CYP7B1: variants seen among roughly 807,000 people sequenced by gnomAD.
CYP7B1 encodes cytochrome P450 7B1.
Under a neutral mutation model 42.7 loss-of-function variants are expected in CYP7B1, and 29 were observed. That is an observed-to-expected ratio of 0.68 (90% CI 0.51 to 0.93). The LOEUF (loss-of-function observed/expected upper bound fraction) is 0.93. CYP7B1 is among the 40% of genes least tolerant of loss of function. The pLI is 0.00. For missense variants in CYP7B1, 655 were observed against 600.5 expected (o/e 1.09, Z -0.95); for synonymous variants, 235 against 218.2 (o/e 1.08, Z -0.68).
intron 1 of CYP7B1, among the ~76,000 whole-genome samples, chr8:64,762,752 T>A (rs1807908255): frequency 6.6e-6 from 1 of 152,230 alleles, no homozygotes; most frequent in African/African-American, 2.4e-5. Context: ...GTTTTATGGA[T>A]TTATCTTAGG....
chr8:64,791,891 G>A (rs146271223), intron 1 of CYP7B1, among the ~76,000 whole-genome samples: 2,905 of 152,290 alleles, frequency 0.019, 44 homozygotes, highest in Admixed American at 0.03. Flanking sequence ...TGGAACAAAT[G>A]GTTAGTAGAA....
chr8:64,791,315 G>A (rs1208589607), intron 1 of CYP7B1, among the ~76,000 whole-genome samples: 5 of 152,158 alleles, frequency 3.3e-5, no homozygotes, highest in Admixed American at 2.6e-4. Context: ...GCCCTCAAAT[G>A]TCCATGTCCT....
At position 64,615,906 on chromosome 8, in the gene CYP7B1, A is replaced by G. The variant is rs774724113; in HGVS notation, c.635T>C (p.Leu212Pro). The G allele has an allele frequency of 1.2e-6, 2 of 1,613,566 alleles. No homozygotes were observed. The highest frequency in any genetic ancestry group is 3.3e-5 in the Admixed American group (2 of 59,902). Residue 212 changes from leucine to proline, a missense_variant, in exon 3 of 6, where the codon CTA (leucine) becomes CCA (proline). By Grantham distance (98) the Leu-to-Pro change is moderately conservative. Transcript: ENST00000310193. ...VCDNNKFISE[L>P]RDDFLKFDDK... ...ATCAAATTTTAAAAAATCATCTCTT[A>G]GCTCACTAATAAATTTGTTGTTGTC... is the stretch of plus-strand genomic sequence containing the variant.
At chr8:64,624,029 AC>A (rs1375558387) in intron 2 of CYP7B1, among the ~76,000 whole-genome samples, 1 of 152,178 alleles carries the variant, frequency 6.6e-6, no homozygotes, top group African/African-American at 2.4e-5. Flanking sequence ...TCTCTGAACT[AC>A]TAAATTTTCT....
chr8:64,689,016 A>G (rs1806698716), intron 1 of CYP7B1, among the ~76,000 whole-genome samples: 1 of 152,172 alleles, frequency 6.6e-6, no homozygotes, highest in African/African-American at 2.4e-5. Context: ...ATATCCTTCC[A>G]TTTCTTTCCT....
At chr8:64,761,041 A>G (rs1807882069) in intron 1 of CYP7B1, among the ~76,000 whole-genome samples, 1 of 152,192 alleles carries the variant, frequency 6.6e-6, no homozygotes, top group African/African-American at 2.4e-5. Flanking sequence ...TTACAAGAAC[A>G]TGAATGAACT....
chr8:64,727,321 T>C (rs963067822), intron 1 of CYP7B1, among the ~76,000 whole-genome samples: 4 of 152,214 alleles, frequency 2.6e-5, no homozygotes, highest in Admixed American at 6.5e-5. Context: ...CTTTGCTGAC[T>C]AGGTTTCCAA....
intron 1 of CYP7B1, among the ~76,000 whole-genome samples, chr8:64,702,981 C>T (rs181672836): frequency 6.6e-6 from 1 of 151,522 alleles, no homozygotes; most frequent in Non-Finnish European, 1.5e-5. Context: ...TAGAACACAA[C>T]CTATAACTGG....
chr8:64,767,982 C>T (rs552961478), intron 1 of CYP7B1, among the ~76,000 whole-genome samples: 16 of 152,270 alleles, frequency 1.1e-4, no homozygotes, highest in African/African-American at 3.9e-4. Context: ...TAAGAGCAGT[C>T]GTTGGCCAAC....
At chr8:64,623,700 G>A (rs76913636) in intron 2 of CYP7B1, among the ~76,000 whole-genome samples, 4,426 of 152,190 alleles carry the variant, frequency 0.029, 198 homozygotes, top group African/African-American at 0.1. Flanking sequence ...AAAGTCTGAA[G>A]TGCAATGAAA....
Position 64,737,024 on chromosome 8 carries a change from A to G in CYP7B1, c.122+61442T>C, listed in dbSNP as rs907568258. Among the ~76,000 whole-genome samples, 13 of 152,362 alleles carry G rather than the reference A, an allele frequency of 8.5e-5. No individual in the cohort carries two copies. In the East Asian group the frequency reaches 9.6e-4, roughly 11 times the overall value. On this transcript the variant is annotated intron_variant, in intron 1 of 5. Transcript: ENST00000310193. ...TTTAACAAATAAATTAATGAGACAG[A>G]AAACATTTTCTAGAGCTCTCTGTGT...
At chr8:64,763,485 T>A (rs1465504955) in intron 1 of CYP7B1, among the ~76,000 whole-genome samples, 7 of 152,248 alleles carry the variant, frequency 4.6e-5, no homozygotes, top group Non-Finnish European at 5.9e-5. Flanking sequence ...ACAGGGATTC[T>A]CTAAAGCAGT....
At chr8:64,745,739 T>C (rs971875683) in intron 1 of CYP7B1, among the ~76,000 whole-genome samples, 14 of 152,282 alleles carry the variant, frequency 9.2e-5, no homozygotes, top group African/African-American at 3.1e-4. Flanking sequence ...ACTATTTGCA[T>C]CTACAATGGG....
At chr8:64,603,928 A>T (rs1229755080) in intron 5 of CYP7B1, among the ~76,000 whole-genome samples, 1 of 152,216 alleles carries the variant, frequency 6.6e-6, no homozygotes, top group Non-Finnish European at 1.5e-5. Flanking sequence ...CTTTGAAAAA[A>T]GGCATTTTAC....
chr8:64,620,193 A>G (rs1215062774), intron 2 of CYP7B1, among the ~76,000 whole-genome samples: 1 of 152,194 alleles, frequency 6.6e-6, no homozygotes, highest in East Asian at 1.9e-4. Flanking sequence ...CTCTAAAAAA[A>G]GAAGAGACAA....
At position 64,596,813 on chromosome 8, in the gene CYP7B1, T is replaced by A; in HGVS notation, c.1350A>T (p.Pro450=). 6.2e-7 allele frequency: 1 copy of A among 1,614,146 alleles called. No homozygotes were observed. Among genetic ancestry groups the A allele is most frequent in the Non-Finnish European group, 8.5e-7 (1 of 1,179,994 alleles). The change falls in exon 6 of 6, where the codon CCA becomes CCT. Residue 450 remains proline (P), a synonymous_variant. Coordinates refer to ENST00000310193, the MANE Select transcript of CYP7B1 (RefSeq NM_004820.5). ...MPFGTGTSKC[P]GRFFALMEIK... is the part of the protein sequence containing the mutation. The stretch of plus-strand genomic sequence containing the variant: ...TTTCCATAAGTGCAAAAAATCGGCC[T>A]GGACATTTGCTGGTTCCAGTTCCAA...
At position 64,655,003 on chromosome 8, in the gene CYP7B1, C is replaced by T. The variant is rs1189206441; in HGVS notation, c.123-30464G>A. 3.9e-5 allele frequency among the ~76,000 whole-genome samples: 6 copies of T among 152,082 alleles called. No individual in the cohort carries two copies. In the South Asian group the frequency reaches 8.3e-4, roughly 21 times the overall value. ...ATTGAAGCTGGACCCCTTTTTTACA[C>T]CATATATAAAATCAACTCCAGACGG... is the stretch of plus-strand genomic sequence containing the variant. On this transcript the variant is annotated intron_variant, in intron 1 of 5. Coordinates refer to ENST00000310193, the MANE Select transcript of CYP7B1 (RefSeq NM_004820.5).
intron 2 of CYP7B1, among the ~76,000 whole-genome samples, chr8:64,618,457 A>G (rs1805479292): frequency 1.3e-5 from 2 of 152,206 alleles, no homozygotes; most frequent in South Asian, 4.1e-4. Context: ...AACAGAAAAT[A>G]TATTCAGACA....
At position 64,685,891 on chromosome 8, in the gene CYP7B1, C is replaced by A. The variant is rs1412989292; in HGVS notation, c.123-61352G>T. Among the ~76,000 whole-genome samples the A allele has an allele frequency of 4.8e-5, 2 of 41,776 alleles. 1 individual carries two copies. Among genetic ancestry groups the A allele is most frequent in the Non-Finnish European group, 1.0e-4 (2 of 19,910 alleles). 27.4% of individuals were successfully genotyped at this position (41,776 alleles called of 152,430 possible). On this transcript the variant is annotated intron_variant, in intron 1 of 5. Transcript: ENST00000310193. ...GAGGGAGGTGGGGGGGTCAGCCCCC[C>A]GCCTGGCCAGCCGTGCCGTCCGGGA...
Sources: gnomAD v4.1 joint callset for allele counts (sites outside exome capture counted in the v4.1 genomes callset) on GRCh38, gnomAD v4.1.1 for gene constraint, MANE v1.5 for transcripts, NCBI Gene and HGNC (gene_info 2026-07-23, HGNC 2026-07-21) for gene names.